The following GABRB1 variants were observed in gnomAD, a reference collection of about 807,000 sequenced individuals.
GABRB1 encodes the protein gamma-aminobutyric acid type A receptor subunit beta1, also known as gamma-aminobutyric acid receptor subunit beta-1.
In GABRB1, 17 loss-of-function variants were observed where a neutral mutation model predicts 51.6. That is an observed-to-expected ratio of 0.33 (90% CI 0.23 to 0.49). GABRB1 has a LOEUF of 0.49. GABRB1 is among the 20% of genes least tolerant of loss of function. The pLI, the probability that GABRB1 is intolerant of heterozygous loss-of-function variation, is 0.99. For missense variants in GABRB1, 410 were observed against 600.6 expected (o/e 0.68, Z 3.32); for synonymous variants, 247 against 218.9 (o/e 1.13, Z -1.14).
intron 5 of GABRB1, among the ~76,000 whole-genome samples, chr4:47,375,578 C>A (rs1202958598): frequency 6.6e-6 from 1 of 152,160 alleles, no homozygotes; most frequent in South Asian, 2.1e-4. Context: ...AATCACTCAA[C>A]GATCCAGATG....
intron 4 of GABRB1, among the ~76,000 whole-genome samples, chr4:47,298,874 C>A (rs1181321316): frequency 2.0e-5 from 3 of 151,942 alleles, no homozygotes; most frequent in Non-Finnish European, 2.9e-5. Flanking sequence ...CAGCATGGTA[C>A]TGGTACCAAA....
chr4:47,055,694 G>C (rs1489318315), intron 3 of GABRB1, among the ~76,000 whole-genome samples: 1 of 152,122 alleles, frequency 6.6e-6, no homozygotes, highest in Non-Finnish European at 1.5e-5. Context: ...TTCTCAGCTA[G>C]AGATCAGGAA....
At chr4:47,381,910 A>T (rs1727612051) in intron 5 of GABRB1, among the ~76,000 whole-genome samples, 1 of 152,210 alleles carries the variant, frequency 6.6e-6, no homozygotes, top group Non-Finnish European at 1.5e-5. Flanking sequence ...AATTTGCAAA[A>T]AATTACAAAG....
chr4:47,067,610 GT>G, intron 3 of GABRB1, among the ~76,000 whole-genome samples: 1 of 151,552 alleles, frequency 6.6e-6, no homozygotes, highest in South Asian at 2.1e-4. Flanking sequence ...CTGAGCATGA[GT>G]ATATTTTATT....
At chr4:47,009,302 C>T (rs761281219) in intron 1 of GABRB1, among the ~76,000 whole-genome samples, 9 of 151,258 alleles carry the variant, frequency 6.0e-5, no homozygotes, top group Admixed American at 1.3e-4. Context: ...TGTATCAAAA[C>T]ATCACATTTA....
At chr4:47,109,724 A>G (rs1012404984) in intron 3 of GABRB1, among the ~76,000 whole-genome samples, 1 of 152,182 alleles carries the variant, frequency 6.6e-6, no homozygotes, top group Non-Finnish European at 1.5e-5. Flanking sequence ...TGAGAAAGGT[A>G]GATTTAAAGA....
chr4:47,108,982 A>T (rs1715103774), intron 3 of GABRB1, among the ~76,000 whole-genome samples: 1 of 152,062 alleles, frequency 6.6e-6, no homozygotes, highest in African/African-American at 2.4e-5. Flanking sequence ...AGAATTACTT[A>T]TTACTTTGAG....
At chr4:47,031,451 A>T, upstream of GABRB1, 2 of 587,564 alleles carry the variant, frequency 3.4e-6, no homozygotes, top group Admixed American at 3.1e-5. Flanking sequence ...GACATGGAGC[A>T]CCCCAAATAG....
chr4:47,128,887 A>G (rs1257038594), intron 3 of GABRB1, among the ~76,000 whole-genome samples: 3 of 152,040 alleles, frequency 2.0e-5, no homozygotes, highest in Admixed American at 6.6e-5. Context: ...ATATTGACTT[A>G]AATAGGTAAA....
chr4:47,294,991 C>A lies in GABRB1; in HGVS notation c.462-25136C>A, dbSNP rs181415901. ...GCAGCCACCACTGCTGATACCCAGGCAAACAGGGTCTGGAGTGGACCTCTA... is the reference window on the plus strand; with the variant it reads ...GCAGCCACCACTGCTGATACCCAGGAAAACAGGGTCTGGAGTGGACCTCTA... On this transcript the variant is annotated intron_variant, in intron 4 of 8. Coordinates refer to ENST00000295454, the MANE Select transcript of GABRB1 (RefSeq NM_000812.4). Among the ~76,000 whole-genome samples the A allele has an allele frequency of 5.3e-3, 814 of 152,304 alleles. 5 individuals carry two copies. The highest frequency in any genetic ancestry group is 0.018 in the African/African-American group (761 of 41,558).
intron 3 of GABRB1, among the ~76,000 whole-genome samples, chr4:47,144,189 T>A (rs1242515478): frequency 6.6e-6 from 1 of 151,996 alleles, no homozygotes; most frequent in African/African-American, 2.4e-5. Context: ...TGTTTGTGAA[T>A]ATCCAAAACT....
chr4:47,288,857 C>T (rs1307127403), intron 4 of GABRB1, among the ~76,000 whole-genome samples: 1 of 152,304 alleles, frequency 6.6e-6, no homozygotes, highest in South Asian at 2.1e-4. Context: ...GCTATGGAGA[C>T]AAGCGGTCTA....
chr4:47,201,202 TATATC>T (rs1719883553), intron 4 of GABRB1, among the ~76,000 whole-genome samples: 1 of 152,156 alleles, frequency 6.6e-6, no homozygotes, highest in African/African-American at 2.4e-5. Context: ...GACCATCTTT[TATATC>T]ATATCATTCT....
intron 3 of GABRB1, chr4:47,032,843 C>G (rs764068296): frequency 2.3e-6 from 1 of 438,122 alleles, no homozygotes; most frequent in Non-Finnish European, 4.7e-6. Context: ...GCACTAGGGT[C>G]CCCGGACCGG....
intron 4 of GABRB1, among the ~76,000 whole-genome samples, chr4:47,258,441 G>A (rs1722302360): frequency 6.6e-6 from 1 of 152,044 alleles, no homozygotes; most frequent in Non-Finnish European, 1.5e-5. Context: ...AAATTCTATG[G>A]AGTTGTTGCT....
Position 47,425,715 on chromosome 4 carries a change from C to G in GABRB1, c.1122C>G (p.Ile374Met). The change falls in exon 9 of 9, where the codon ATC becomes ATG. Residue 374 changes from isoleucine to methionine, a missense_variant. Transcript: ENST00000295454. ...ACATTCTCCTCAGCACCCTGGAAAT[C>G]CGGAATGAGACGAGTGGCTCGGAAG... ...HGNILLSTLEIRNETSGSEVL... is the reference protein window; with the variant it reads ...HGNILLSTLEMRNETSGSEVL... The G allele has an allele frequency of 6.2e-7, 1 of 1,613,582 alleles. No homozygotes were observed. The highest frequency in any genetic ancestry group is 8.5e-7 in the Non-Finnish European group (1 of 1,179,730).
At chr4:47,074,290 C>T (rs912881885) in intron 3 of GABRB1, among the ~76,000 whole-genome samples, 11 of 152,118 alleles carry the variant, frequency 7.2e-5, no homozygotes, top group Non-Finnish European at 1.0e-4. Context: ...CATTGAAGCT[C>T]GTATCTAAGA....
intron 4 of GABRB1, among the ~76,000 whole-genome samples, chr4:47,223,339 A>G (rs2109826393): frequency 6.6e-6 from 1 of 152,100 alleles, no homozygotes; most frequent in South Asian, 2.1e-4. Flanking sequence ...AAGATGTGGC[A>G]GTAAAAGACC....
intron 4 of GABRB1, among the ~76,000 whole-genome samples, chr4:47,238,622 C>A (rs933066489): frequency 5.3e-5 from 8 of 152,036 alleles, no homozygotes; most frequent in Non-Finnish European, 1.0e-4. Context: ...AGGGAGCATA[C>A]TTCAAGAAAT....
Sources: gnomAD v4.1 joint callset for allele counts (sites outside exome capture counted in the v4.1 genomes callset) on GRCh38, gnomAD v4.1.1 for gene constraint, MANE v1.5 for transcripts, NCBI Gene and HGNC (gene_info 2026-07-23, HGNC 2026-07-21) for gene names.